TRMT2B: variants seen among roughly 807,000 people sequenced by gnomAD.
TRMT2B encodes tRNA methyltransferase 2B.
In TRMT2B, 34 loss-of-function variants were observed where a neutral mutation model predicts 39.7. The ratio of observed to expected loss-of-function variants is 0.86; its 90% CI spans 0.65 to 1.14. TRMT2B has a LOEUF of 1.14. Among genes scored for constraint, TRMT2B ranks in the 50% most tolerant of loss-of-function variants. The probability of loss-of-function intolerance (pLI) is 0.00; values close to 1 mark genes in which losing one functional copy is unlikely to be tolerated. For synonymous variants in TRMT2B, 132 were observed against 137.3 expected (o/e 0.96, Z 0.27); for missense variants, 318 against 377.2 (o/e 0.84, Z 1.30).
intron 7 of TRMT2B, among the ~76,000 whole-genome samples, chrX:101,027,477 T>C (rs1427727176): frequency 1.8e-5 from 2 of 109,155 alleles, no homozygotes; most frequent in East Asian, 2.9e-4. Flanking sequence ...CTCCTGACCT[T>C]GTGATCCGCC....
rs937898070 is a variant in TRMT2B at position 101,009,764 on chromosome X, T to G, written c.*817A>C. On this transcript the variant is annotated 3_prime_UTR_variant, in exon 14 of 14. Coordinates refer to ENST00000372936, the MANE Select transcript of TRMT2B (RefSeq NM_024917.6). ...CCAAGAAAACCCAAAAGAATTAATC[T>G]CATCTGATGATCACTCAGTCACCCT... 3.0e-5 allele frequency: 3 copies of G among 101,303 alleles called. No individual in the cohort carries two copies. The highest frequency in any genetic ancestry group is 6.1e-5 in the Non-Finnish European group (3 of 49,586). The allele number at this position is 101,303 out of a possible 1,213,427, so 8.3% of individuals were successfully genotyped here.
At chrX:101,032,751 G>A (rs1237838745) in intron 7 of TRMT2B, among the ~76,000 whole-genome samples, 1 of 100,238 alleles carries the variant, frequency 1.0e-5, no homozygotes, top group Non-Finnish European at 2.0e-5. Context: ...ACTCCAGCCT[G>A]GGCAAAAAGA....
At chrX:101,022,209 C>G in intron 8 of TRMT2B, 147 bp from the exon 9 acceptor site, 1 of 454,763 alleles carries the variant, frequency 2.2e-6, no homozygotes, top group East Asian at 3.8e-5. Flanking sequence ...ATAAAGCAGG[C>G]CAGACATGAT....
chrX:101,030,057 T>G (rs1324474386), intron 7 of TRMT2B, among the ~76,000 whole-genome samples: 2 of 110,881 alleles, frequency 1.8e-5, no homozygotes, highest in African/African-American at 6.6e-5. Flanking sequence ...GTCAGGAGTT[T>G]GAGACCAGCC....
In TRMT2B at chrX:101,023,506, C is replaced by T; in HGVS notation, c.720G>A (p.Met240Ile). The change falls in exon 8 of 14, where the codon ATG (methionine) becomes ATA (isoleucine). Residue 240 changes from methionine (M) to isoleucine (I), a missense_variant. Physicochemically the swap from Met to Ile is conservative, Grantham distance 10. Coordinates refer to ENST00000372936, the MANE Select transcript of TRMT2B (RefSeq NM_024917.6). ...TVRTNSQGHT[M>I]AIITFHPQKL... Reference sequence around the variant, plus strand: ...TCTGGGGATGGAAAGTGATGATAGCCATTGTGTGCCCTTGGCTATTGGTGC... The same window carrying T: ...TCTGGGGATGGAAAGTGATGATAGCTATTGTGTGCCCTTGGCTATTGGTGC... The T allele has an allele frequency of 1.7e-6, 2 of 1,210,210 alleles. No individual in the cohort carries two copies. The highest frequency in any genetic ancestry group is 1.8e-5 in the South Asian group (1 of 56,818).
At chrX:101,004,595 G>A (rs985402741), downstream of TRMT2B, among the ~76,000 whole-genome samples, 9 of 110,226 alleles carry the variant, frequency 8.2e-5, no homozygotes, top group Non-Finnish European at 9.5e-5. Context: ...TCCACCTCCC[G>A]GGTTCAAGCA....
At chrX:100,984,119 T>G in the TRMT2B span, among the ~76,000 whole-genome samples, 1 of 98,979 alleles carries the variant, frequency 1.0e-5, no homozygotes, top group African/African-American at 3.6e-5. Flanking sequence ...TTGTTTTTTG[T>G]TTTTTTTTTT....
intron 2 of TRMT2B, among the ~76,000 whole-genome samples, chrX:101,047,359 G>A (rs1395811642): frequency 1.8e-5 from 2 of 111,702 alleles, no homozygotes; most frequent in Non-Finnish European, 3.8e-5. Flanking sequence ...GAGTAGAGGT[G>A]GCAACACTGA....
chrX:101,044,249 G>GAAAAAAAAAAAA (rs35472826), intron 2 of TRMT2B, among the ~76,000 whole-genome samples: 1 of 43,558 alleles, frequency 2.3e-5, no homozygotes, highest in African/African-American at 7.8e-5. Context: ...CTCAAAAAGA[G>GAAAAAAAAAAAA]AAAAAAAAAA....
chrX:101,005,243 A>G (rs1226123710), downstream of TRMT2B, among the ~76,000 whole-genome samples: 2 of 110,725 alleles, frequency 1.8e-5, no homozygotes, highest in Non-Finnish European at 3.8e-5. Context: ...AAATACAAAA[A>G]TTAGCCAGGT....
chrX:101,010,522 C>T lies in TRMT2B; in HGVS notation c.*59G>A. 1 of 1,189,096 alleles carries T rather than the reference C, an allele frequency of 8.4e-7. No homozygotes were observed. On this transcript the variant is annotated 3_prime_UTR_variant, in exon 14 of 14. Coordinates refer to ENST00000372936, the MANE Select transcript of TRMT2B (RefSeq NM_024917.6). ...GTCTGCAATGTAGCAATATGCCAAA[C>T]CTGAAAGTTTCTGAAACTTCAGCCT... is the stretch of plus-strand genomic sequence containing the variant.
chrX:101,023,655 C>G, intron 7 of TRMT2B, 39 bp from the exon 8 acceptor site: 1 of 1,158,439 alleles, frequency 8.6e-7, no homozygotes, highest in Non-Finnish European at 1.2e-6. Context: ...GCAAAACTAG[C>G]AAGTTTCACA....
intron 7 of TRMT2B, 112 bp downstream of exon 7, chrX:101,035,501 C>G: frequency 1.5e-6 from 1 of 645,767 alleles, no homozygotes. Flanking sequence ...AGTACAGAGC[C>G]CCTCCTTCCC....
intron 7 of TRMT2B, among the ~76,000 whole-genome samples, chrX:101,032,118 T>G (rs751996867): frequency 9.0e-6 from 1 of 110,594 alleles, no homozygotes; most frequent in South Asian, 3.8e-4. Context: ...AAACCCCATC[T>G]CTGCTAAAAA....
At chrX:101,037,807 T>C in intron 5 of TRMT2B, 110 bp downstream of exon 5, 1 of 787,588 alleles carries the variant, frequency 1.3e-6, no homozygotes. Flanking sequence ...TGATGCATGA[T>C]AATAATTTAG....
intron 4 of TRMT2B, 77 bp downstream of exon 4, chrX:101,041,240 C>A: frequency 3.5e-6 from 3 of 868,697 alleles, no homozygotes; most frequent in South Asian, 2.6e-5. Context: ...AAATAAATAA[C>A]TGCCCAATCA....
chrX:100,988,449 A>T, the TRMT2B span: 53 of 1,196,396 alleles, frequency 4.4e-5, no homozygotes, highest in African/African-American at 7.4e-4. Flanking sequence ...CCATGAAAGA[A>T]GGTGAATGTT....
chrX:100,988,584 AG>A, the TRMT2B span: 13 of 962,921 alleles, frequency 1.4e-5, no homozygotes, highest in Admixed American at 4.5e-5. Context: ...TGGTTAGAGA[AG>A]AAAATTTACA....
chrX:101,017,760 C>T (rs944967825), intron 13 of TRMT2B, among the ~76,000 whole-genome samples: 3 of 112,023 alleles, frequency 2.7e-5, no homozygotes, highest in African/African-American at 9.7e-5. Flanking sequence ...TGGAAAACTG[C>T]AGCCTACAGG....
Sources: gnomAD v4.1 joint callset for allele counts (sites outside exome capture counted in the v4.1 genomes callset) on GRCh38, gnomAD v4.1.1 for gene constraint, MANE v1.5 for transcripts, NCBI Gene and HGNC (gene_info 2026-07-23, HGNC 2026-07-21) for gene names.